VTI1A: variants seen among roughly 807,000 people sequenced by gnomAD.
VTI1A encodes the protein vesicle transport through interaction with t-SNAREs homolog 1A.
VTI1A carries 22 observed loss-of-function variants against 34.9 expected under a neutral mutation model. The observed-to-expected ratio is 0.63, with a 90% CI of 0.45 to 0.90. The LOEUF (loss-of-function observed/expected upper bound fraction) is 0.90. Among genes scored for constraint, VTI1A ranks in the 40% least tolerant of loss-of-function variants. The probability of loss-of-function intolerance (pLI) is 0.00; values close to 1 mark genes in which losing one functional copy is unlikely to be tolerated. For missense variants in VTI1A, 268 were observed against 275.6 expected, an observed-to-expected ratio of 0.97 and a Z score of 0.20; for synonymous variants, 87 against 97.3, an observed-to-expected ratio of 0.89 and a Z score of 0.62.
intron 7 of VTI1A, among the ~76,000 whole-genome samples, chr10:112,766,956 G>A (rs1191451711): frequency 2.6e-5 from 4 of 152,174 alleles, no homozygotes; most frequent in East Asian, 3.9e-4. Flanking sequence ...TGAGAAAAAC[G>A]TAGCAATAGT....
intron 1 of VTI1A, 96 bp downstream of exon 1, chr10:112,447,563 A>G: frequency 7.2e-7 from 1 of 1,385,520 alleles, no homozygotes; most frequent in Non-Finnish European, 1.0e-6. Flanking sequence ...ATGAGGCGCG[A>G]GGCTGGAGTG....
At chr10:112,491,463 A>T (rs1848817594) in intron 3 of VTI1A, among the ~76,000 whole-genome samples, 1 of 152,168 alleles carries the variant, frequency 6.6e-6, no homozygotes, top group South Asian at 2.1e-4. Context: ...CTGAGATGTG[A>T]TTCTTTTTAA....
chr10:112,455,836 G>C (rs1269280404), intron 1 of VTI1A, among the ~76,000 whole-genome samples: 1 of 152,022 alleles, frequency 6.6e-6, no homozygotes, highest in African/African-American at 2.4e-5. Flanking sequence ...AAAAGAAAAT[G>C]ATCTAATTGT....
At chr10:112,531,907 G>A (rs962216188) in intron 4 of VTI1A, among the ~76,000 whole-genome samples, 1 of 152,082 alleles carries the variant, frequency 6.6e-6, no homozygotes, top group African/African-American at 2.4e-5. Context: ...CTTCTTCTGG[G>A]GAAGAATTAT....
intron 5 of VTI1A, among the ~76,000 whole-genome samples, chr10:112,564,490 G>A (rs960507841): frequency 6.6e-6 from 1 of 151,078 alleles, no homozygotes; most frequent in African/African-American, 2.4e-5. Context: ...CAGTTAAGTT[G>A]TAGTGTCACT....
chr10:112,583,280 G>A (rs561754286), intron 5 of VTI1A, among the ~76,000 whole-genome samples: 29 of 152,048 alleles, frequency 1.9e-4, no homozygotes, highest in Non-Finnish European at 3.8e-4. Context: ...TAACAACTTC[G>A]GTTTGGTAAT....
At chr10:112,733,514 A>G (rs1490589873) in intron 7 of VTI1A, among the ~76,000 whole-genome samples, 3 of 152,122 alleles carry the variant, frequency 2.0e-5, no homozygotes, top group South Asian at 2.1e-4. Flanking sequence ...TAAGTTTGCC[A>G]TAATGTTTTA....
intron 5 of VTI1A, among the ~76,000 whole-genome samples, chr10:112,648,051 T>A (rs1037498024): frequency 2.0e-5 from 3 of 152,204 alleles, no homozygotes; most frequent in African/African-American, 7.2e-5. Flanking sequence ...ATTACAGGCG[T>A]GAGCCATTGC....
the VTI1A span, among the ~76,000 whole-genome samples, chr10:112,851,323 C>T: frequency 2.1e-4 from 32 of 152,290 alleles, no homozygotes; most frequent in East Asian, 5.4e-3. Context: ...GTAAACATAG[C>T]CTCTCTTCCA....
At chr10:112,628,874 T>G (rs963812099) in intron 5 of VTI1A, among the ~76,000 whole-genome samples, 3 of 152,240 alleles carry the variant, frequency 2.0e-5, no homozygotes, top group Admixed American at 2.0e-4. Context: ...AGTGTTTTTT[T>G]AATGCATACA....
At chr10:112,761,346 G>T (rs1851456663) in intron 7 of VTI1A, among the ~76,000 whole-genome samples, 1 of 152,138 alleles carries the variant, frequency 6.6e-6, no homozygotes, top group South Asian at 2.1e-4. Flanking sequence ...TTTAATTTCG[G>T]TCTAACAGCC....
intron 7 of VTI1A, among the ~76,000 whole-genome samples, chr10:112,726,707 A>G (rs1564901175): frequency 6.6e-6 from 1 of 152,326 alleles, no homozygotes; most frequent in East Asian, 1.9e-4. Context: ...CATATACACA[A>G]AATTTTACAG....
intron 5 of VTI1A, among the ~76,000 whole-genome samples, chr10:112,609,879 C>T (rs1845226782): frequency 6.6e-6 from 1 of 152,092 alleles, no homozygotes; most frequent in Non-Finnish European, 1.5e-5. Flanking sequence ...AGGCAAATGG[C>T]TCCGTCCAGA....
downstream of VTI1A, among the ~76,000 whole-genome samples, chr10:112,823,046 C>G (rs976525419): frequency 3.3e-5 from 5 of 152,228 alleles, no homozygotes; most frequent in African/African-American, 1.2e-4. Flanking sequence ...CCTCTGCCAC[C>G]TTCTACACTG....
chr10:112,649,264 G>C (rs971564854), intron 5 of VTI1A, among the ~76,000 whole-genome samples: 1 of 152,150 alleles, frequency 6.6e-6, no homozygotes, highest in Non-Finnish European at 1.5e-5. Flanking sequence ...CCAGTTTCTA[G>C]GTTGCTGAGC....
intron 5 of VTI1A, among the ~76,000 whole-genome samples, chr10:112,550,349 GTTT>G (rs56846103): frequency 3.5e-5 from 5 of 142,262 alleles, no homozygotes; most frequent in Non-Finnish European, 3.1e-5. Context: ...GTGCCAGAAG[GTTT>G]TTTTTTTTTT....
rs1158478809 is a variant in VTI1A, at chr10:112,728,952, G to A, written c.560+59954G>A. 3.9e-5 allele frequency among the ~76,000 whole-genome samples: 6 copies of A among 152,222 alleles called. No individual in the cohort carries two copies. The South Asian group carries it at 8.3e-4, about 21-fold the overall frequency. On this transcript the variant is annotated intron_variant, in intron 7 of 7. Transcript: ENST00000393077. ...ACAACTAACTCAGATCATGCCCTCCGTAAGTGGCCGAGCTGGTCTCAGAAC... is the reference window on the plus strand; with the variant it reads ...ACAACTAACTCAGATCATGCCCTCCATAAGTGGCCGAGCTGGTCTCAGAAC...
chr10:112,572,840 A>AC (rs202039379), intron 5 of VTI1A, among the ~76,000 whole-genome samples: 2,020 of 50,442 alleles, frequency 0.04, 46 homozygotes, highest in African/African-American at 0.085. Context: ...CTCCGTCTCA[A>AC]CCAAAAAAAA....
chr10:112,647,689 T>C (rs1358436505), intron 5 of VTI1A, among the ~76,000 whole-genome samples: 1 of 152,234 alleles, frequency 6.6e-6, no homozygotes, highest in Non-Finnish European at 1.5e-5. Context: ...TTGTTTATTA[T>C]CAGTATAGAA....
Sources: gnomAD v4.1 joint callset for allele counts (sites outside exome capture counted in the v4.1 genomes callset) on GRCh38, gnomAD v4.1.1 for gene constraint, MANE v1.5 for transcripts, NCBI Gene and HGNC (gene_info 2026-07-23, HGNC 2026-07-21) for gene names.